Variants in CAMK4 observed in about 807,000 individuals in gnomAD.
CAMK4 encodes calcium/calmodulin-dependent protein kinase type IV.
A neutral mutation model predicts 44.9 loss-of-function variants in CAMK4; 22 were observed. The observed-to-expected ratio is 0.49, with a 90% CI of 0.35 to 0.70. The LOEUF (loss-of-function observed/expected upper bound fraction) is 0.70, where lower values mean the gene tolerates loss of function less well. Ranked by LOEUF, CAMK4 falls within the 30% of genes least tolerant of loss-of-function variation. The pLI is 0.01. For missense variants in CAMK4, 498 were observed against 586.8 expected, an observed-to-expected ratio of 0.85 and a Z score of 1.56; for synonymous variants, 218 against 215.4, an observed-to-expected ratio of 1.01 and a Z score of -0.11.
At chr5:111,326,394 C>A (rs1019874197) in intron 1 of CAMK4, among the ~76,000 whole-genome samples, 1 of 151,824 alleles carries the variant, frequency 6.6e-6, no homozygotes, top group Admixed American at 6.6e-5. Context: ...CCAAAAGTGA[C>A]ATAAGAAATA....
At chr5:111,264,733 G>C (rs146621294) in intron 1 of CAMK4, among the ~76,000 whole-genome samples, 4 of 152,048 alleles carry the variant, frequency 2.6e-5, no homozygotes, top group Non-Finnish European at 4.4e-5. Context: ...TCATGGCAAG[G>C]TTCCAAGGAT....
chr5:111,296,329 C>G (rs1485325556), intron 1 of CAMK4, among the ~76,000 whole-genome samples: 1 of 152,168 alleles, frequency 6.6e-6, no homozygotes, highest in Non-Finnish European at 1.5e-5. Flanking sequence ...TATTCCATTA[C>G]TCAGGAAAAG....
intron 1 of CAMK4, among the ~76,000 whole-genome samples, chr5:111,272,426 A>G (rs547959776): frequency 4.7e-4 from 71 of 152,288 alleles, no homozygotes; most frequent in African/African-American, 1.5e-3. Flanking sequence ...TCCCAAGGAC[A>G]TTATACTCTT....
chr5:111,259,853 GT>G (rs1271719605), intron 1 of CAMK4, among the ~76,000 whole-genome samples: 1 of 152,152 alleles, frequency 6.6e-6, no homozygotes, highest in Admixed American at 6.6e-5. Context: ...AACCTGACAG[GT>G]TCTGGGAGCA....
intron 1 of CAMK4, among the ~76,000 whole-genome samples, chr5:111,275,957 G>T (rs1165673549): frequency 1.3e-5 from 2 of 151,948 alleles, no homozygotes; most frequent in Admixed American, 6.6e-5. Flanking sequence ...GTTCAAAGTG[G>T]TATATTTCAG....
chr5:111,375,486 G>T (rs1327325573), intron 3 of CAMK4, among the ~76,000 whole-genome samples: 2 of 152,076 alleles, frequency 1.3e-5, no homozygotes, highest in Non-Finnish European at 2.9e-5. Flanking sequence ...TATTTTCCAG[G>T]TTGCAAGTTA....
At chr5:111,383,847 A>G (rs1423837839) in intron 4 of CAMK4, among the ~76,000 whole-genome samples, 1 of 152,162 alleles carries the variant, frequency 6.6e-6, no homozygotes, top group Admixed American at 6.5e-5. Context: ...GATACACACT[A>G]CAACATGGAT....
At chr5:111,229,528 T>C (rs890998640) in intron 1 of CAMK4, among the ~76,000 whole-genome samples, 1 of 152,262 alleles carries the variant, frequency 6.6e-6, no homozygotes, top group Non-Finnish European at 1.5e-5. Context: ...GTCCACAGCA[T>C]GGCTGCTGAA....
intron 5 of CAMK4, among the ~76,000 whole-genome samples, chr5:111,399,847 G>C (rs1269659433): frequency 6.6e-6 from 1 of 152,104 alleles, no homozygotes; most frequent in Non-Finnish European, 1.5e-5. Flanking sequence ...TTCTTTAGGA[G>C]GCTTATTACA....
At chr5:111,297,488 G>A (rs774439141) in intron 1 of CAMK4, among the ~76,000 whole-genome samples, 2 of 152,158 alleles carry the variant, frequency 1.3e-5, no homozygotes, top group Non-Finnish European at 2.9e-5. Context: ...AGAGCTTGAG[G>A]CAAAAGAGAA....
intron 1 of CAMK4, among the ~76,000 whole-genome samples, chr5:111,335,358 A>G (rs1318744871): frequency 6.6e-6 from 1 of 151,400 alleles, no homozygotes; most frequent in Non-Finnish European, 1.5e-5. Flanking sequence ...TCCATTTTGA[A>G]TCAGATTTGA....
In CAMK4 at chr5:111,492,521, T is replaced by C. The variant is rs1484151856; in HGVS notation, c.*8055T>C. 6.6e-6 allele frequency: 1 copy of C among 152,186 alleles called. No individual in the cohort carries two copies. The highest frequency in any genetic ancestry group is 1.5e-5 in the Non-Finnish European group (1 of 68,020). 9.4% of individuals were successfully genotyped at this position (152,186 alleles called of 1,614,324 possible). ...CTGCCCATCTTCTTGATTGCTCAGT[T>C]TGAAGACGATCATTGATGGACAAAT... On this transcript the variant is annotated 3_prime_UTR_variant, in exon 11 of 11. Transcript: ENST00000282356.
intron 4 of CAMK4, among the ~76,000 whole-genome samples, chr5:111,393,260 A>G (rs2112858652): frequency 6.6e-6 from 1 of 152,320 alleles, no homozygotes; most frequent in South Asian, 2.1e-4. Context: ...TCTTGTGAAA[A>G]TACACAATAC....
In CAMK4 at chr5:111,275,136, A is replaced by T. The variant is rs572996142; in HGVS notation, c.161+50492A>T. Among the ~76,000 whole-genome samples, 13 of 152,272 alleles carry T rather than the reference A, an allele frequency of 8.5e-5. No homozygotes were observed. The South Asian group carries it at 2.5e-3, about 29-fold the overall frequency. ...TACTTATCAGTTCTTTCTTGTGAGA[A>T]CATTTAAAATCTACCTTCTTAGCAG... On this transcript the variant is annotated intron_variant, in intron 1 of 10. Coordinates refer to ENST00000282356, the MANE Select transcript of CAMK4 (RefSeq NM_001744.6).
chr5:111,394,082 A>G (rs1751908829), intron 4 of CAMK4, among the ~76,000 whole-genome samples: 1 of 152,136 alleles, frequency 6.6e-6, no homozygotes, highest in African/African-American at 2.4e-5. Flanking sequence ...GAGATACGCT[A>G]ACCATTCAAG....
intron 2 of CAMK4, among the ~76,000 whole-genome samples, chr5:111,349,698 C>A (rs1750013445): frequency 1.3e-5 from 2 of 151,888 alleles, no homozygotes; most frequent in Admixed American, 1.3e-4. Context: ...GTTTATCTTT[C>A]TTCCTTAGGA....
chr5:111,388,020 T>TA (rs1237375901), intron 4 of CAMK4, among the ~76,000 whole-genome samples: 1 of 152,220 alleles, frequency 6.6e-6, no homozygotes, highest in Non-Finnish European at 1.5e-5. Context: ...CAGCTCAACT[T>TA]ATAAAATATT....
chr5:111,335,662 C>T (rs1749371256), intron 1 of CAMK4, among the ~76,000 whole-genome samples: 1 of 151,276 alleles, frequency 6.6e-6, no homozygotes, highest in African/African-American at 2.4e-5. Context: ...GGGCTTTATA[C>T]TTGAAACATA....
chr5:111,414,937 T>C (rs1409989557), intron 5 of CAMK4, among the ~76,000 whole-genome samples: 1 of 152,224 alleles, frequency 6.6e-6, no homozygotes, highest in East Asian at 1.9e-4. Flanking sequence ...ATTAATGCTG[T>C]TAGAATTTCA....
Sources: gnomAD v4.1 joint callset for allele counts (sites outside exome capture counted in the v4.1 genomes callset) on GRCh38, gnomAD v4.1.1 for gene constraint, MANE v1.5 for transcripts, NCBI Gene and HGNC (gene_info 2026-07-23, HGNC 2026-07-21) for gene names.